CACNB4: variants seen among roughly 807,000 people sequenced by gnomAD.
CACNB4 encodes calcium voltage-gated channel auxiliary subunit beta 4.
In CACNB4, 32 loss-of-function variants were observed where a neutral mutation model predicts 71.2. The ratio of observed to expected loss-of-function variants is 0.45; its 90% confidence interval spans 0.34 to 0.60. The LOEUF (loss-of-function observed/expected upper bound fraction) is 0.60, where lower values mean the gene tolerates loss of function less well. Ranked by LOEUF, CACNB4 falls within the 20% of genes least tolerant of loss-of-function variation. The pLI is 0.01. For synonymous variants in CACNB4, 231 were observed against 236.9 expected (o/e 0.97, Z 0.23); for missense variants, 464 against 647.9 (o/e 0.72, Z 3.08).
At chr2:152,096,442 T>C (rs1425411969) in intron 2 of CACNB4, among the ~76,000 whole-genome samples, 1 of 152,028 alleles carries the variant, frequency 6.6e-6, no homozygotes, top group Non-Finnish European at 1.5e-5. Context: ...AGAGACTGCG[T>C]CACTGCACCC....
chr2:152,062,701 C>A (rs368706876), intron 2 of CACNB4, among the ~76,000 whole-genome samples: 2 of 152,278 alleles, frequency 1.3e-5, no homozygotes, highest in South Asian at 2.1e-4. Flanking sequence ...CCTCTCCCAT[C>A]ATGGCAAGAC....
chr2:151,940,408 G>A (rs1320547173), intron 2 of CACNB4, among the ~76,000 whole-genome samples: 1 of 152,174 alleles, frequency 6.6e-6, no homozygotes, highest in African/African-American at 2.4e-5. Flanking sequence ...AGGCAGGAAA[G>A]GGTTAAGTGT....
chr2:151,999,211 C>A (rs1342217528), intron 2 of CACNB4, among the ~76,000 whole-genome samples: 1 of 152,140 alleles, frequency 6.6e-6, no homozygotes, highest in Non-Finnish European at 1.5e-5. Context: ...CCAGCTCCAG[C>A]CCAGAACGGT....
At chr2:152,034,599 C>T (rs1264044572) in intron 2 of CACNB4, among the ~76,000 whole-genome samples, 2 of 152,212 alleles carry the variant, frequency 1.3e-5, no homozygotes, top group African/African-American at 4.8e-5. Flanking sequence ...TCCATTCTCA[C>T]TTAACGATCT....
chr2:151,978,621 C>T (rs567832363), intron 2 of CACNB4, among the ~76,000 whole-genome samples: 2 of 152,308 alleles, frequency 1.3e-5, no homozygotes, highest in South Asian at 2.1e-4. Flanking sequence ...TCTAATAAAA[C>T]GTTCGGATGG....
At chr2:152,094,996 C>A (rs925150972) in intron 2 of CACNB4, among the ~76,000 whole-genome samples, 1 of 152,188 alleles carries the variant, frequency 6.6e-6, no homozygotes, top group Non-Finnish European at 1.5e-5. Context: ...CACTTCATCA[C>A]ATTTCCAAAG....
intron 2 of CACNB4, among the ~76,000 whole-genome samples, chr2:151,913,142 A>T (rs548562077): frequency 4.0e-4 from 61 of 152,266 alleles, no homozygotes; most frequent in Non-Finnish European, 7.6e-4. Context: ...GTGTCTTTTA[A>T]TTGGGGCATT....
Position 151,860,741 on chromosome 2 carries a change from T to C in CACNB4, c.838A>G (p.Ile280Val). The C allele has an allele frequency of 6.2e-7, 1 of 1,613,626 alleles. No homozygotes were observed. Among genetic ancestry groups the C allele is most frequent in the Non-Finnish European group, 8.5e-7 (1 of 1,179,512 alleles). ...VLNNPSKRAI[I>V]ERSNTRSSLA... ...CTGGACCGGGTGTTCGAACGTTCAA[T>C]TATTGCTCTCTTGCTGGGATTATTT... Residue 280 changes from isoleucine to valine, a missense_variant, in exon 10 of 14, where the codon ATT (isoleucine) becomes GTT (valine). Physicochemically the swap from Ile to Val is conservative, Grantham distance 29. This residue lies in a region of CACNB4 where 299 missense variants were observed against 471.7 expected (regional missense o/e 0.63). Transcript: ENST00000539935.
At chr2:151,890,230 A>G (rs1007291595) in intron 2 of CACNB4, among the ~76,000 whole-genome samples, 1 of 152,202 alleles carries the variant, frequency 6.6e-6, no homozygotes, top group African/African-American at 2.4e-5. Flanking sequence ...TCTGCTTACA[A>G]TCACAGCAGC....
intron 2 of CACNB4, among the ~76,000 whole-genome samples, chr2:152,085,308 G>A (rs1172508418): frequency 1.3e-5 from 2 of 152,150 alleles, no homozygotes; most frequent in East Asian, 1.9e-4. Context: ...GGTGCGCTTT[G>A]TTAAGATGGT....
At chr2:152,084,501 G>A (rs1687538606) in intron 2 of CACNB4, among the ~76,000 whole-genome samples, 1 of 152,224 alleles carries the variant, frequency 6.6e-6, no homozygotes, top group African/African-American at 2.4e-5. Flanking sequence ...TGGGCAACAG[G>A]TTAGGGGGAA....
In CACNB4 at chr2:151,838,849, T is replaced by C. The variant is rs972478711; in HGVS notation, c.*270A>G. ...CCTTGTAAGTACCCTAAATTACAAATTGATGTGTCTAAATCTATGAAGAAA... is the reference window on the plus strand; with the variant it reads ...CCTTGTAAGTACCCTAAATTACAAACTGATGTGTCTAAATCTATGAAGAAA... On this transcript the variant is annotated 3_prime_UTR_variant, in exon 14 of 14. Transcript: ENST00000539935. 1.2e-5 allele frequency: 3 copies of C among 257,546 alleles called. No individual in the cohort carries two copies. Among genetic ancestry groups the C allele is most frequent in the South Asian group, 1.4e-4 (1 of 6,902 alleles). The allele number at this position is 257,546 out of a possible 1,614,324, so 16.0% of individuals were successfully genotyped here. A position where few individuals can be genotyped will look rare whatever the true frequency, so the allele number is the denominator to read the frequency against.
chr2:151,841,856 T>G, intron 13 of CACNB4, 47 bp downstream of exon 13: 1 of 1,551,748 alleles, frequency 6.4e-7, no homozygotes, highest in South Asian at 1.1e-5. Flanking sequence ...TCCCATAGAA[T>G]TTTACATGTA....
At chr2:152,079,392 T>A (rs1181006795) in intron 2 of CACNB4, among the ~76,000 whole-genome samples, 1 of 151,184 alleles carries the variant, frequency 6.6e-6, no homozygotes, top group Non-Finnish European at 1.5e-5. Context: ...CCGGCCGTGT[T>A]GTTGTTGTTG....
intron 2 of CACNB4, among the ~76,000 whole-genome samples, chr2:152,040,883 G>A (rs1189413170): frequency 6.6e-6 from 1 of 152,192 alleles, no homozygotes; most frequent in Non-Finnish European, 1.5e-5. Context: ...TATTTTCTGT[G>A]AAACAAATTG....
intron 2 of CACNB4, among the ~76,000 whole-genome samples, chr2:152,088,345 T>G (rs1687786127): frequency 6.6e-6 from 1 of 152,230 alleles, no homozygotes; most frequent in Non-Finnish European, 1.5e-5. Flanking sequence ...TCTGCACAAG[T>G]TACTATGCAT....
chr2:151,852,955 T>G (rs983737603), intron 12 of CACNB4: 2 of 152,208 alleles, frequency 1.3e-5, no homozygotes, highest in African/African-American at 4.8e-5. Context: ...AGAAGAAGAG[T>G]TGCTATAATT....
intron 2 of CACNB4, among the ~76,000 whole-genome samples, chr2:151,979,874 A>T: frequency 6.6e-6 from 1 of 152,206 alleles, no homozygotes; most frequent in South Asian, 2.1e-4. Flanking sequence ...GCAAAGCTTC[A>T]GCAGGAGTGG....
chr2:151,913,120 A>G (rs1427196230), intron 2 of CACNB4, among the ~76,000 whole-genome samples: 2 of 152,046 alleles, frequency 1.3e-5, no homozygotes, highest in Admixed American at 6.5e-5. Flanking sequence ...ACTTTATCCA[A>G]TTTGCCACAC....
Sources: allele counts gnomAD v4.1 joint callset (sites outside exome capture counted in the v4.1 genomes callset), GRCh38; gene constraint gnomAD v4.1.1; regional missense constraint gnomAD v4.1.1; transcripts MANE v1.5; gene names NCBI Gene and HGNC (gene_info 2026-07-23, HGNC 2026-07-21).